The following KCNK2 variants were observed in gnomAD, a reference collection of about 807,000 sequenced individuals.
KCNK2 encodes the protein potassium channel subfamily K member 2.
KCNK2 carries 21 observed loss-of-function variants against 40.5 expected under a neutral mutation model. That is an observed-to-expected ratio of 0.52 (90% confidence interval 0.37 to 0.75). The LOEUF is 0.75. Ranked by LOEUF, KCNK2 falls within the 30% of genes least tolerant of loss-of-function variation. The probability of loss-of-function intolerance (pLI) is 0.00; values close to 1 mark genes in which losing one functional copy is unlikely to be tolerated. For synonymous variants in KCNK2, 191 were observed against 202.2 expected (o/e 0.94, Z 0.47); for missense variants, 399 against 531.6 (o/e 0.75, Z 2.45).
rs562042735 is a variant in KCNK2 at position 215,194,590 on chromosome 1, T to C, written c.824-363T>C. ...TAAATGCACACCAATAAAAGTGTAA[T>C]CCCTATCTTCTATTTGTTAAAATAG... On this transcript the variant is annotated intron_variant, in intron 5 of 6. Coordinates refer to ENST00000444842, the MANE Select transcript of KCNK2 (RefSeq NM_001017425.3). Among the ~76,000 whole-genome samples, 145 of 152,224 alleles carry C rather than the reference T, an allele frequency of 9.5e-4. 1 individual carries two copies. The highest frequency in any genetic ancestry group is 3.2e-3 in the African/African-American group (135 of 41,552).
intron 6 of KCNK2, among the ~76,000 whole-genome samples, chr1:215,196,175 C>T (rs1440830108): frequency 2.0e-5 from 3 of 151,944 alleles, no homozygotes; most frequent in Non-Finnish European, 2.9e-5. Context: ...TCTCTGCCTC[C>T]CAGGTTCAAG....
chr1:215,027,992 G>A (rs1350808753), intron 1 of KCNK2, among the ~76,000 whole-genome samples: 1 of 152,086 alleles, frequency 6.6e-6, no homozygotes, highest in African/African-American at 2.4e-5. Flanking sequence ...TTCTGGAGTT[G>A]TGTGTGGTTG....
At chr1:215,130,842 G>A (rs1397986062) in intron 3 of KCNK2, among the ~76,000 whole-genome samples, 1 of 150,372 alleles carries the variant, frequency 6.7e-6, no homozygotes, top group Non-Finnish European at 1.5e-5. Flanking sequence ...TAATTTTTAA[G>A]TTTTTTTTAT....
At chr1:215,233,076 G>A (rs1373862345) in intron 6 of KCNK2, among the ~76,000 whole-genome samples, 1 of 152,116 alleles carries the variant, frequency 6.6e-6, no homozygotes, top group South Asian at 2.1e-4. Context: ...CTATATCTAA[G>A]TATAGTTGGA....
chr1:215,142,916 T>G (rs1306056231), intron 3 of KCNK2, among the ~76,000 whole-genome samples: 1 of 152,118 alleles, frequency 6.6e-6, no homozygotes, highest in Non-Finnish European at 1.5e-5. Flanking sequence ...AAGGATGTAA[T>G]CTGAGGTAGT....
intron 3 of KCNK2, among the ~76,000 whole-genome samples, chr1:215,158,795 A>G (rs1042278494): frequency 6.6e-6 from 1 of 152,206 alleles, no homozygotes; most frequent in Non-Finnish European, 1.5e-5. Flanking sequence ...CCACATAGTT[A>G]TTGACCTGGA....
At chr1:215,194,870 TTTAG>T in intron 5 of KCNK2, 79 bp from the exon 6 acceptor site, 2 of 1,328,726 alleles carry the variant, frequency 1.5e-6, no homozygotes, top group Non-Finnish European at 2.1e-6. Flanking sequence ...CAAACCAAAA[TTTAG>T]TTAGTAATTT....
chr1:215,121,079 A>G (rs1196996670), intron 2 of KCNK2, among the ~76,000 whole-genome samples: 1 of 152,246 alleles, frequency 6.6e-6, no homozygotes, highest in Non-Finnish European at 1.5e-5. Flanking sequence ...AAGACTGTTC[A>G]GTCCAATAAG....
At chr1:215,034,642 G>A (rs1013728060) in intron 1 of KCNK2, among the ~76,000 whole-genome samples, 3 of 152,026 alleles carry the variant, frequency 2.0e-5, no homozygotes, top group Admixed American at 2.0e-4. Flanking sequence ...AGCACCATTT[G>A]TTGAAAAGAC....
At chr1:215,025,551 T>G (rs528764277) in intron 1 of KCNK2, among the ~76,000 whole-genome samples, 1 of 152,176 alleles carries the variant, frequency 6.6e-6, no homozygotes, top group South Asian at 2.1e-4. Context: ...TTCAAAAGAT[T>G]CCCTAAGTTT....
chr1:215,077,975 T>C (rs1302373558), upstream of KCNK2, among the ~76,000 whole-genome samples: 1 of 152,192 alleles, frequency 6.6e-6, no homozygotes, highest in Non-Finnish European at 1.5e-5. Flanking sequence ...ACCTGTGCAA[T>C]TGTGTTGCTC....
At position 215,235,081 on chromosome 1, in the gene KCNK2, A is replaced by G. The variant is rs1487210613; in HGVS notation, c.1217A>G (p.Tyr406Cys). 1 of 1,612,646 alleles carries G rather than the reference A, an allele frequency of 6.2e-7. No homozygotes were observed. The highest frequency in any genetic ancestry group is 8.5e-7 in the Non-Finnish European group (1 of 1,178,778). Reference protein sequence around the residue: ...LPPLLKTESIYLNGLTPHCAG... With the variant: ...LPPLLKTESICLNGLTPHCAG... ...CCCTTACTGAAGACTGAGAGTATCT[A>G]TCTGAATGGTTTGACGCCACACTGT... is the stretch of plus-strand genomic sequence containing the variant. The change falls in exon 7 of 7, where the codon TAT becomes TGT. Residue 406 changes from tyrosine (Y) to cysteine (C), a missense_variant. Transcript: ENST00000444842.
intron 5 of KCNK2, among the ~76,000 whole-genome samples, chr1:215,191,932 A>C (rs886544278): frequency 1.3e-5 from 2 of 152,154 alleles, no homozygotes; most frequent in Admixed American, 1.3e-4. Context: ...AGACAGGGGC[A>C]GTGGCCCTGT....
At chr1:215,129,084 C>A (rs531824385) in intron 3 of KCNK2, among the ~76,000 whole-genome samples, 1 of 152,116 alleles carries the variant, frequency 6.6e-6, no homozygotes, top group African/African-American at 2.4e-5. Flanking sequence ...CAGGAGTAAC[C>A]ACAAAATGTC....
intron 2 of KCNK2, among the ~76,000 whole-genome samples, chr1:215,091,888 G>T (rs376184188): frequency 5.9e-5 from 9 of 152,310 alleles, no homozygotes; most frequent in South Asian, 2.1e-4. Flanking sequence ...GCATGTAGAA[G>T]AACTACAAGG....
chr1:215,128,277 G>T (rs1338672234), intron 3 of KCNK2, among the ~76,000 whole-genome samples: 1 of 152,160 alleles, frequency 6.6e-6, no homozygotes, highest in Non-Finnish European at 1.5e-5. Flanking sequence ...AAAGATCAGA[G>T]GTAAAAGACA....
chr1:215,015,316 C>G (rs980622207), intron 1 of KCNK2, among the ~76,000 whole-genome samples: 1 of 152,040 alleles, frequency 6.6e-6, no homozygotes, highest in African/African-American at 2.4e-5. Context: ...CCTCTCTAGT[C>G]CATTGTGTGC....
intron 2 of KCNK2, among the ~76,000 whole-genome samples, chr1:215,121,125 G>T (rs1661172926): frequency 1.3e-5 from 2 of 152,164 alleles, no homozygotes; most frequent in Non-Finnish European, 2.9e-5. Flanking sequence ...ATTGAAAGAT[G>T]TGGAGATAAA....
chr1:215,235,322 T>C lies in KCNK2; in HGVS notation c.*177T>C, dbSNP rs1049464200. On this transcript the variant is annotated 3_prime_UTR_variant, in exon 7 of 7. Transcript: ENST00000444842. ...TTTGGAATTCTGAGCCAGCACTTTC[T>C]TTCTGATGATGCTTGTTGAACGGTC... 16 of 556,298 alleles carry C rather than the reference T, an allele frequency of 2.9e-5. No homozygotes were observed. Among genetic ancestry groups the C allele is most frequent in the Non-Finnish European group, 4.4e-5 (14 of 315,894 alleles). The allele number at this position is 556,298 out of a possible 1,614,324, so 34.5% of individuals were successfully genotyped here.
Sources: allele counts gnomAD v4.1 joint callset (sites outside exome capture counted in the v4.1 genomes callset), GRCh38; gene constraint gnomAD v4.1.1; transcripts MANE v1.5; gene names NCBI Gene and HGNC (gene_info 2026-07-23, HGNC 2026-07-21).